The following SORCS1 variants were observed in gnomAD, a reference collection of about 807,000 sequenced individuals.
The protein encoded by SORCS1 is VPS10 domain-containing receptor SorCS1.
SORCS1 carries 60 observed loss-of-function variants against 146.1 expected under a neutral mutation model. That is an observed-to-expected ratio of 0.41 (90% CI 0.33 to 0.51). SORCS1 has a LOEUF of 0.51. SORCS1 is among the 20% of genes least tolerant of loss of function. The probability of loss-of-function intolerance (pLI) is 0.21; values close to 1 mark genes in which losing one functional copy is unlikely to be tolerated. For synonymous variants in SORCS1, 637 were observed against 584.0 expected (o/e 1.09, Z -1.31); for missense variants, 1,352 against 1,487.6 (o/e 0.91, Z 1.50).
At chr10:106,633,862 T>A (rs1007781297) in intron 18 of SORCS1, among the ~76,000 whole-genome samples, 9 of 152,154 alleles carry the variant, frequency 5.9e-5, no homozygotes, top group Non-Finnish European at 1.3e-4. Context: ...TTGAGGCCTC[T>A]GAGAGGATGC....
At chr10:106,761,895 CT>C (rs1457177551) in intron 4 of SORCS1, among the ~76,000 whole-genome samples, 1 of 152,158 alleles carries the variant, frequency 6.6e-6, no homozygotes, top group African/African-American at 2.4e-5. Flanking sequence ...GATTAACCGA[CT>C]TGTGAGAAAT....
At chr10:107,017,396 A>G (rs1456176813) in intron 1 of SORCS1, among the ~76,000 whole-genome samples, 1 of 152,240 alleles carries the variant, frequency 6.6e-6, no homozygotes. Flanking sequence ...ACAAAACAAA[A>G]AACAGACACA....
intron 5 of SORCS1, among the ~76,000 whole-genome samples, chr10:106,738,100 T>C (rs1857093951): frequency 6.6e-6 from 1 of 152,152 alleles, no homozygotes. Context: ...AGAAAAAATA[T>C]ACATAAATGG....
At chr10:107,136,850 G>C (rs1967344376) in intron 1 of SORCS1, among the ~76,000 whole-genome samples, 1 of 152,092 alleles carries the variant, frequency 6.6e-6, no homozygotes. Context: ...CACTCCACCA[G>C]AACTCCCCTC....
intron 21 of SORCS1, among the ~76,000 whole-genome samples, chr10:106,615,299 G>A (rs988123840): frequency 6.6e-6 from 1 of 152,184 alleles, no homozygotes; most frequent in African/African-American, 2.4e-5. Flanking sequence ...GTCTCTGCGG[G>A]AGAGTAGGAG....
chr10:106,601,897 T>C (rs111618831), intron 23 of SORCS1, among the ~76,000 whole-genome samples: 3 of 152,160 alleles, frequency 2.0e-5, no homozygotes, highest in South Asian at 2.1e-4. Context: ...CCCAGCAGAA[T>C]AGACTCATGG....
At chr10:106,599,118 C>T (rs1846079344) in intron 23 of SORCS1, among the ~76,000 whole-genome samples, 1 of 152,166 alleles carries the variant, frequency 6.6e-6, no homozygotes, top group African/African-American at 2.4e-5. Flanking sequence ...CACAGTGGCT[C>T]ACTTTGGGAG....
intron 1 of SORCS1, among the ~76,000 whole-genome samples, chr10:106,976,862 C>T (rs535522812): frequency 6.6e-6 from 1 of 152,294 alleles, no homozygotes; most frequent in South Asian, 2.1e-4. Context: ...CTGTAAAGGA[C>T]ATGATCTCAT....
chr10:106,862,254 C>T (rs555514544), intron 2 of SORCS1, among the ~76,000 whole-genome samples: 1 of 152,294 alleles, frequency 6.6e-6, no homozygotes, highest in East Asian at 1.9e-4. Context: ...GTCAGAGTGT[C>T]AGGGTGAACG....
intron 2 of SORCS1, among the ~76,000 whole-genome samples, chr10:106,842,895 G>A (rs759208625): frequency 6.6e-6 from 1 of 152,178 alleles, no homozygotes; most frequent in Non-Finnish European, 1.5e-5. Flanking sequence ...TTACAGGCAT[G>A]AGCCACTGTG....
At chr10:107,159,998 C>A (rs1243739171) in intron 1 of SORCS1, among the ~76,000 whole-genome samples, 1 of 152,192 alleles carries the variant, frequency 6.6e-6, no homozygotes, top group East Asian at 1.9e-4. Context: ...CTCTTGCTCA[C>A]TGAATCACCA....
At chr10:106,822,791 T>TGTTTG (rs1564699920) in intron 3 of SORCS1, among the ~76,000 whole-genome samples, 4 of 147,428 alleles carry the variant, frequency 2.7e-5, no homozygotes, top group African/African-American at 1.0e-4. Context: ...GGTTTTTTTT[T>TGTTTG]TTTTTTTTTT....
At chr10:107,138,452 GCTTGCT>G (rs1160576634) in intron 1 of SORCS1, among the ~76,000 whole-genome samples, 1 of 152,004 alleles carries the variant, frequency 6.6e-6, no homozygotes, top group East Asian at 1.9e-4. Flanking sequence ...ATTTTTCCTT[GCTTGCT>G]CCAACCCTCA....
chr10:107,005,161 T>C (rs909055754), intron 1 of SORCS1, among the ~76,000 whole-genome samples: 4 of 152,214 alleles, frequency 2.6e-5, no homozygotes, highest in Admixed American at 6.5e-5. Context: ...TTATTTATAA[T>C]AGAAAATGAA....
intron 1 of SORCS1, among the ~76,000 whole-genome samples, chr10:107,071,517 T>C (rs1399487617): frequency 1.3e-5 from 2 of 152,218 alleles, no homozygotes; most frequent in African/African-American, 4.8e-5. Flanking sequence ...GCCCTTGCAA[T>C]GTGAATAAGG....
intron 1 of SORCS1, among the ~76,000 whole-genome samples, chr10:107,097,188 G>T (rs1964598400): frequency 6.6e-6 from 1 of 152,182 alleles, no homozygotes; most frequent in African/African-American, 2.4e-5. Flanking sequence ...TGTGCTCAGG[G>T]AATGAAATCC....
chr10:106,698,873 C>A (rs12253546), intron 9 of SORCS1, among the ~76,000 whole-genome samples: 1,548 of 152,206 alleles, frequency 0.01, 31 homozygotes, highest in African/African-American at 0.036. Flanking sequence ...TCCCTTTACT[C>A]ACAGCCCTGT....
At chr10:106,936,147 T>C (rs1219292959) in intron 2 of SORCS1, among the ~76,000 whole-genome samples, 4 of 152,226 alleles carry the variant, frequency 2.6e-5, no homozygotes, top group Non-Finnish European at 2.9e-5. Context: ...CCCTTTTCTC[T>C]AATTTTTGAC....
At chr10:106,822,047 T>G (rs2136929237) in intron 3 of SORCS1, among the ~76,000 whole-genome samples, 1 of 152,190 alleles carries the variant, frequency 6.6e-6, no homozygotes, top group South Asian at 2.1e-4. Context: ...AAAAGTAAGT[T>G]TTGGAATGTA....
Sources: gnomAD v4.1 joint callset for allele counts (sites outside exome capture counted in the v4.1 genomes callset) on GRCh38, gnomAD v4.1.1 for gene constraint, MANE v1.5 for transcripts, NCBI Gene and HGNC (gene_info 2026-07-23, HGNC 2026-07-21) for gene names.